EXOC4: variants seen among roughly 807,000 people sequenced by gnomAD.
EXOC4 encodes exocyst complex component 4.
EXOC4 carries 71 observed loss-of-function variants against 107.2 expected under a neutral mutation model. The observed-to-expected ratio is 0.66, with a 90% CI of 0.55 to 0.81. The LOEUF (loss-of-function observed/expected upper bound fraction) is 0.81. Among genes scored for constraint, EXOC4 ranks in the 30% least tolerant of loss-of-function variants. The probability of loss-of-function intolerance (pLI) is 0.00; values close to 1 mark genes in which losing one functional copy is unlikely to be tolerated. For synonymous variants in EXOC4, 456 were observed against 441.2 expected (o/e 1.03, Z -0.42); for missense variants, 1,108 against 1,189.6 (o/e 0.93, Z 1.01).
At chr7:133,497,449 C>T (rs1216937772) in intron 9 of EXOC4, among the ~76,000 whole-genome samples, 8 of 143,804 alleles carry the variant, frequency 5.6e-5, no homozygotes, top group South Asian at 2.2e-4. Context: ...TTTTTTGAGA[C>T]GGAGTCTTGC....
intron 9 of EXOC4, among the ~76,000 whole-genome samples, chr7:133,521,281 T>A (rs1799972762): frequency 6.6e-6 from 1 of 152,200 alleles, no homozygotes; most frequent in Non-Finnish European, 1.5e-5. Context: ...GTTGTAATTA[T>A]AATTTTCTGT....
intron 7 of EXOC4, among the ~76,000 whole-genome samples, chr7:133,441,532 A>G (rs1195790114): frequency 6.6e-6 from 1 of 152,106 alleles, no homozygotes; most frequent in Non-Finnish European, 1.5e-5. Context: ...CTGGGATTAC[A>G]GATGTGTGCC....
At chr7:134,051,155 G>A (rs1795777714) in intron 17 of EXOC4, among the ~76,000 whole-genome samples, 2 of 152,190 alleles carry the variant, frequency 1.3e-5, no homozygotes, top group African/African-American at 4.8e-5. Flanking sequence ...TGATAGAAAT[G>A]TCTGCAGACA....
intron 10 of EXOC4, among the ~76,000 whole-genome samples, chr7:133,706,559 A>C (rs965304402): frequency 1.3e-5 from 2 of 152,248 alleles, no homozygotes; most frequent in Non-Finnish European, 2.9e-5. Context: ...AGTGTAAAGA[A>C]ATAGATGAAA....
rs1046581017 is a variant in EXOC4 at position 133,379,954 on chromosome 7, A to G, written c.1182+4952A>G. Among the ~76,000 whole-genome samples the G allele has an allele frequency of 5.3e-5, 8 of 152,136 alleles. 1 individual carries two copies. The highest frequency in any genetic ancestry group is 1.9e-4 in the African/African-American group (8 of 41,434). On this transcript the variant is annotated intron_variant, in intron 7 of 17. Transcript: ENST00000253861. Reference sequence around the variant, plus strand: ...GATTAAAAATAGGTTTTTCTGGCATATTAAATGAGTTATACGTTTCATACA... The same window carrying G: ...GATTAAAAATAGGTTTTTCTGGCATGTTAAATGAGTTATACGTTTCATACA...
At chr7:133,635,097 G>A (rs1038134499) in intron 10 of EXOC4, among the ~76,000 whole-genome samples, 1 of 152,110 alleles carries the variant, frequency 6.6e-6, no homozygotes, top group Non-Finnish European at 1.5e-5. Context: ...CTTCTTTTGT[G>A]TAGTTCTGAC....
intron 9 of EXOC4, among the ~76,000 whole-genome samples, chr7:133,568,372 T>C (rs1585003053): frequency 1.3e-5 from 2 of 152,300 alleles, no homozygotes; most frequent in East Asian, 3.9e-4. Context: ...TTATTTAGTA[T>C]AACAAACTTT....
intron 9 of EXOC4, among the ~76,000 whole-genome samples, chr7:133,538,290 T>A (rs1800312497): frequency 6.6e-6 from 1 of 152,224 alleles, no homozygotes; most frequent in Admixed American, 6.5e-5. Context: ...AGAGCCCTCA[T>A]CTCTATACAG....
intron 7 of EXOC4, among the ~76,000 whole-genome samples, chr7:133,431,782 G>T (rs1797862172): frequency 6.6e-6 from 1 of 152,186 alleles, no homozygotes; most frequent in African/African-American, 2.4e-5. Context: ...GAATCATTGT[G>T]CAAAAGCTGC....
intron 9 of EXOC4, among the ~76,000 whole-genome samples, chr7:133,576,045 C>T (rs1801119831): frequency 6.6e-6 from 1 of 152,170 alleles, no homozygotes; most frequent in African/African-American, 2.4e-5. Context: ...TGAGCACTGC[C>T]AGCACTTTTC....
intron 9 of EXOC4, among the ~76,000 whole-genome samples, chr7:133,580,387 A>AATTTTT (rs1472280907): frequency 8.5e-5 from 13 of 152,098 alleles, no homozygotes; most frequent in Non-Finnish European, 1.9e-4. Context: ...ATCATATGGT[A>AATTTTT]ATTTTTATTT....
chr7:133,656,467 A>T (rs919403224), intron 10 of EXOC4, among the ~76,000 whole-genome samples: 1 of 152,174 alleles, frequency 6.6e-6, no homozygotes, highest in Non-Finnish European at 1.5e-5. Flanking sequence ...AATATTAAGA[A>T]GGTAATAACC....
At chr7:133,260,311 T>C (rs1187399245) in intron 1 of EXOC4, among the ~76,000 whole-genome samples, 1 of 151,912 alleles carries the variant, frequency 6.6e-6, no homozygotes, top group African/African-American at 2.4e-5. Flanking sequence ...TCTTGCTCTG[T>C]CGCCCATGCT....
At chr7:133,855,383 A>G (rs1017028306) in intron 11 of EXOC4, among the ~76,000 whole-genome samples, 1 of 151,708 alleles carries the variant, frequency 6.6e-6, no homozygotes, top group Non-Finnish European at 1.5e-5. Flanking sequence ...GATTTCTTCT[A>G]TCGAGAAATG....
rs752772200 is a variant in EXOC4 at position 133,288,987 on chromosome 7, G to A, written c.342G>A (p.Leu114=). Reference sequence around the variant, plus strand: ...GCAAACGGGATGAGCTTCGGAAACTGTGGATTGAAGGAATTGAGCATAAGC... The same window carrying A: ...GCAAACGGGATGAGCTTCGGAAACTATGGATTGAAGGAATTGAGCATAAGC... ...LHCKRDELRK[L]WIEGIEHKHV... is the part of the protein sequence containing the mutation. The change falls in exon 3 of 18, where the codon CTG becomes CTA. Residue 114 remains leucine, a synonymous_variant. Coordinates refer to ENST00000253861, the MANE Select transcript of EXOC4 (RefSeq NM_021807.4). 1.2e-6 allele frequency: 2 copies of A among 1,614,196 alleles called. No individual in the cohort carries two copies. The highest frequency in any genetic ancestry group is 2.2e-5 in the South Asian group (2 of 91,084).
chr7:133,357,069 T>A (rs796628780), intron 6 of EXOC4, among the ~76,000 whole-genome samples: 5 of 152,330 alleles, frequency 3.3e-5, no homozygotes, highest in African/African-American at 1.2e-4. Context: ...TTTTTAATGT[T>A]GTTGAAAAAT....
intron 14 of EXOC4, among the ~76,000 whole-genome samples, chr7:133,958,347 G>A (rs1394911734): frequency 6.6e-6 from 1 of 151,510 alleles, no homozygotes; most frequent in African/African-American, 2.4e-5. Flanking sequence ...TTCCTCTCTA[G>A]TCATCCATTT....
intron 5 of EXOC4, among the ~76,000 whole-genome samples, chr7:133,323,699 T>C (rs1014500604): frequency 2.0e-5 from 3 of 152,234 alleles, no homozygotes; most frequent in Non-Finnish European, 4.4e-5. Context: ...TGTCAGGCTT[T>C]GGTATCAGGA....
intron 1 of EXOC4, among the ~76,000 whole-genome samples, chr7:133,260,270 GTTTT>G (rs34596811): frequency 7.0e-6 from 1 of 143,158 alleles, no homozygotes; most frequent in Non-Finnish European, 1.5e-5. Flanking sequence ...CCCTTTAACT[GTTTT>G]TTTTTTTTTG....
Sources: allele counts gnomAD v4.1 joint callset (sites outside exome capture counted in the v4.1 genomes callset), GRCh38; gene constraint gnomAD v4.1.1; transcripts MANE v1.5; gene names NCBI Gene and HGNC (gene_info 2026-07-23, HGNC 2026-07-21).